ZNF804B: variants seen among roughly 807,000 people sequenced by gnomAD.
The protein encoded by ZNF804B is zinc finger protein 804B.
In ZNF804B, 80 loss-of-function variants were observed where a neutral mutation model predicts 101.4. The ratio of observed to expected loss-of-function variants is 0.79; its 90% CI spans 0.66 to 0.95. The LOEUF is 0.95. Ranked by LOEUF, ZNF804B falls within the 40% of genes least tolerant of loss-of-function variation. ZNF804B has a pLI of 0.00. For synonymous variants in ZNF804B, 622 were observed against 558.8 expected (o/e 1.11, Z -1.59); for missense variants, 1,673 against 1,561.9 (o/e 1.07, Z -1.20).
intron 1 of ZNF804B, among the ~76,000 whole-genome samples, chr7:88,784,451 A>G (rs1417678350): frequency 6.6e-6 from 1 of 152,136 alleles, no homozygotes; most frequent in Non-Finnish European, 1.5e-5. Flanking sequence ...GCCATTCAAA[A>G]CTGGATAGAG....
chr7:89,010,603 T>G (rs1299288915), intron 1 of ZNF804B, among the ~76,000 whole-genome samples: 1 of 152,102 alleles, frequency 6.6e-6, no homozygotes, highest in Non-Finnish European at 1.5e-5. Flanking sequence ...ACTTAATGGG[T>G]TTTTTTGCAC....
chr7:88,849,713 T>C (rs1300015203), intron 1 of ZNF804B, among the ~76,000 whole-genome samples: 1 of 151,240 alleles, frequency 6.6e-6, no homozygotes, highest in Admixed American at 6.6e-5. Flanking sequence ...ATTAATTTAT[T>C]ATTTAAATTT....
intron 1 of ZNF804B, among the ~76,000 whole-genome samples, chr7:88,900,361 C>T (rs1373978891): frequency 1.3e-5 from 2 of 151,676 alleles, no homozygotes; most frequent in Non-Finnish European, 3.0e-5. Flanking sequence ...ATGGATATTG[C>T]ATTCCTATTA....
At chr7:89,267,877 A>T (rs1433013674) in intron 2 of ZNF804B, among the ~76,000 whole-genome samples, 1 of 152,170 alleles carries the variant, frequency 6.6e-6, no homozygotes, top group Non-Finnish European at 1.5e-5. Flanking sequence ...GATTTGTGAC[A>T]TATTGTGGGG....
intron 1 of ZNF804B, among the ~76,000 whole-genome samples, chr7:89,171,648 T>A (rs1791239011): frequency 6.6e-6 from 1 of 152,110 alleles, no homozygotes; most frequent in Non-Finnish European, 1.5e-5. Context: ...TTGGCCAGGC[T>A]GGTCTCGAAC....
chr7:88,783,578 A>G (rs954351039), intron 1 of ZNF804B, among the ~76,000 whole-genome samples: 1 of 152,146 alleles, frequency 6.6e-6, no homozygotes, highest in Admixed American at 6.6e-5. Context: ...AAGGTGAGTG[A>G]TGGGTAAATA....
At chr7:89,225,758 T>G (rs1789079942) in intron 2 of ZNF804B, among the ~76,000 whole-genome samples, 2 of 152,156 alleles carry the variant, frequency 1.3e-5, no homozygotes, top group Admixed American at 6.5e-5. Context: ...CCCATATTAT[T>G]GTTGACAAGG....
At chr7:89,134,096 A>G (rs1164675474) in intron 1 of ZNF804B, among the ~76,000 whole-genome samples, 1 of 152,070 alleles carries the variant, frequency 6.6e-6, no homozygotes, top group East Asian at 1.9e-4. Flanking sequence ...ACAAAAAAAG[A>G]ACACTGTCCC....
At chr7:88,851,845 C>T (rs566249625) in intron 1 of ZNF804B, among the ~76,000 whole-genome samples, 5 of 151,996 alleles carry the variant, frequency 3.3e-5, no homozygotes, top group Middle Eastern at 3.4e-3. Context: ...AACAGTGATG[C>T]AAAATTTGGT....
chr7:88,883,158 C>A (rs1792068791), intron 1 of ZNF804B, among the ~76,000 whole-genome samples: 1 of 152,038 alleles, frequency 6.6e-6, no homozygotes, highest in African/African-American at 2.4e-5. Flanking sequence ...CCATCATTTG[C>A]AAATTTCAAG....
chr7:89,322,323 G>T (rs545678261), intron 2 of ZNF804B, among the ~76,000 whole-genome samples: 5 of 152,078 alleles, frequency 3.3e-5, no homozygotes, highest in Admixed American at 2.0e-4. Flanking sequence ...CAGTATAAAC[G>T]TTTCTACAAC....
At chr7:89,072,690 G>A (rs1334172585) in intron 1 of ZNF804B, among the ~76,000 whole-genome samples, 1 of 152,124 alleles carries the variant, frequency 6.6e-6, no homozygotes, top group Non-Finnish European at 1.5e-5. Context: ...ATGAGACTAT[G>A]TAAATATAAC....
chr7:88,777,427 T>C (rs1790158807), intron 1 of ZNF804B, among the ~76,000 whole-genome samples: 1 of 152,206 alleles, frequency 6.6e-6, no homozygotes. Context: ...AATAGGTACT[T>C]TACTGGCTTC....
chr7:89,040,613 T>C (rs1789002349), intron 1 of ZNF804B, among the ~76,000 whole-genome samples: 1 of 152,134 alleles, frequency 6.6e-6, no homozygotes, highest in African/African-American at 2.4e-5. Context: ...TTGTAGATCT[T>C]CATTTCTTTA....
chr7:88,824,770 T>C (rs1791030156), intron 1 of ZNF804B, among the ~76,000 whole-genome samples: 1 of 152,174 alleles, frequency 6.6e-6, no homozygotes, highest in Non-Finnish European at 1.5e-5. Context: ...CGTGGAACCC[T>C]ATCCCAGAAT....
At chr7:89,222,600 C>T (rs1415430031) in intron 2 of ZNF804B, among the ~76,000 whole-genome samples, 3 of 151,932 alleles carry the variant, frequency 2.0e-5, no homozygotes, top group Admixed American at 1.3e-4. Context: ...AATTTCCTTA[C>T]AGTTTCTTCA....
intron 1 of ZNF804B, among the ~76,000 whole-genome samples, chr7:88,919,872 T>C (rs999042128): frequency 4.6e-5 from 7 of 152,044 alleles, no homozygotes; most frequent in Non-Finnish European, 1.0e-4. Flanking sequence ...AGAAGAAAAG[T>C]AGTTGAATTT....
At chr7:89,166,070 A>G (rs1791138336) in intron 1 of ZNF804B, among the ~76,000 whole-genome samples, 1 of 152,152 alleles carries the variant, frequency 6.6e-6, no homozygotes, top group Admixed American at 6.6e-5. Context: ...CACAATTGTG[A>G]AAAAGACTTT....
chr7:89,128,199 T>G (rs1037444156), intron 1 of ZNF804B, among the ~76,000 whole-genome samples: 7 of 151,904 alleles, frequency 4.6e-5, no homozygotes, highest in Non-Finnish European at 1.0e-4. Flanking sequence ...TCTTTGTACT[T>G]TAGACAATTA....
Sources: gnomAD v4.1 joint callset for allele counts (sites outside exome capture counted in the v4.1 genomes callset) on GRCh38, gnomAD v4.1.1 for gene constraint, MANE v1.5 for transcripts, NCBI Gene and HGNC (gene_info 2026-07-23, HGNC 2026-07-21) for gene names.